The following PCDH15 variants were observed in gnomAD, a reference collection of about 807,000 sequenced individuals.
The protein encoded by PCDH15 is protocadherin related 15.
In PCDH15, 129 loss-of-function variants were observed where a neutral mutation model predicts 178.5. The observed-to-expected ratio is 0.72, with a 90% CI of 0.63 to 0.84. The LOEUF is 0.84. Ranked by LOEUF, PCDH15 falls within the 40% of genes least tolerant of loss-of-function variation. PCDH15 has a pLI of 0.00. For missense variants in PCDH15, 2,230 were observed against 2,099.9 expected (o/e 1.06, Z -1.21); for synonymous variants, 800 against 732.0 (o/e 1.09, Z -1.50).
chr10:53,878,215 AATATATATATATATATAT>A (rs140273411), intron 26 of PCDH15, among the ~76,000 whole-genome samples: 1 of 127,454 alleles, frequency 7.8e-6, no homozygotes, highest in Non-Finnish European at 1.6e-5. Flanking sequence ...ACACACTTTG[AATATATATATATATATAT>A]ATATATATAT....
At chr10:54,470,938 A>G (rs2077876816) in intron 3 of PCDH15, among the ~76,000 whole-genome samples, 1 of 152,082 alleles carries the variant, frequency 6.6e-6, no homozygotes, top group African/African-American at 2.4e-5. Context: ...TTCACTGATC[A>G]GGTACAAAGA....
chr10:54,347,443 A>C (rs575248762), intron 5 of PCDH15, among the ~76,000 whole-genome samples: 106 of 152,214 alleles, frequency 7.0e-4, no homozygotes, highest in African/African-American at 2.5e-3. Context: ...AATGCACTTC[A>C]TCAATAAACA....
At chr10:55,028,468 A>G (rs1840529825) in intron 2 of PCDH15, among the ~76,000 whole-genome samples, 1 of 152,012 alleles carries the variant, frequency 6.6e-6, no homozygotes, top group Non-Finnish European at 1.5e-5. Flanking sequence ...GAAAGCATTT[A>G]TCTTTATAAC....
chr10:54,360,320 G>A (rs1022331232), intron 5 of PCDH15, among the ~76,000 whole-genome samples: 6 of 151,894 alleles, frequency 4.0e-5, no homozygotes, highest in Admixed American at 6.6e-5. Flanking sequence ...TATATAAACC[G>A]GCAATTTTAG....
chr10:54,236,876 C>T lies in PCDH15; in HGVS notation c.932G>A (p.Arg311Gln), dbSNP rs61731390. 1.6e-5 allele frequency: 26 copies of T among 1,613,430 alleles called. No homozygotes were observed. The East Asian group carries it at 2.7e-4, about 17-fold the overall frequency. ...CCTATCTGATGGCGGTTGAATATTC[C>T]GGTCCTGATCAATGGCTTGGATTGG... is the stretch of plus-strand genomic sequence containing the variant. ...TPPIQAIDQDRNIQPPSDRPG... is the reference protein window; with the variant it reads ...TPPIQAIDQDQNIQPPSDRPG... Residue 311 changes from arginine to glutamine, a missense_variant, in exon 9 of 38, where the codon CGG (arginine) becomes CAG (glutamine). By Grantham distance (43) the Arg-to-Gln change is conservative. Transcript: ENST00000644397.
chr10:55,306,497 A>C (rs1843430516), intron 1 of PCDH15, among the ~76,000 whole-genome samples: 1 of 152,188 alleles, frequency 6.6e-6, no homozygotes, highest in Admixed American at 6.5e-5. Flanking sequence ...TTAAAAAAAT[A>C]TATTCTGAAA....
intron 15 of PCDH15, among the ~76,000 whole-genome samples, chr10:54,131,920 T>C (rs1268295242): frequency 2.0e-5 from 3 of 152,172 alleles, no homozygotes; most frequent in Non-Finnish European, 4.4e-5. Flanking sequence ...GACAGGGTGT[T>C]AATATTCGAA....
chr10:55,024,601 C>T (rs1840429766), intron 2 of PCDH15, among the ~76,000 whole-genome samples: 1 of 151,970 alleles, frequency 6.6e-6, no homozygotes, highest in African/African-American at 2.4e-5. Context: ...TAGAACTGAA[C>T]TCATCTTCCT....
chr10:54,263,663 C>T (rs1467020319), intron 8 of PCDH15, among the ~76,000 whole-genome samples: 3 of 152,176 alleles, frequency 2.0e-5, no homozygotes, highest in Admixed American at 6.5e-5. Flanking sequence ...AACTTCACCC[C>T]TGCAACTACC....
intron 9 of PCDH15, among the ~76,000 whole-genome samples, chr10:54,225,355 A>G (rs2053316901): frequency 6.6e-6 from 1 of 152,240 alleles, no homozygotes; most frequent in South Asian, 2.1e-4. Context: ...TATTACTAAT[A>G]GAACCAACAT....
intron 1 of PCDH15, among the ~76,000 whole-genome samples, chr10:54,690,647 T>C (rs143109538): frequency 2.8e-3 from 432 of 152,244 alleles, no homozygotes; most frequent in South Asian, 0.018. Context: ...TTTTAGAGTA[T>C]ACTTCTCCTA....
intron 8 of PCDH15, among the ~76,000 whole-genome samples, chr10:54,257,103 A>G (rs2056961439): frequency 6.6e-6 from 1 of 152,106 alleles, no homozygotes; most frequent in Non-Finnish European, 1.5e-5. Context: ...TGAGATAGAG[A>G]TATAGTGTGT....
At chr10:55,097,202 G>A (rs1445574199) in intron 2 of PCDH15, among the ~76,000 whole-genome samples, 1 of 152,076 alleles carries the variant, frequency 6.6e-6, no homozygotes, top group Non-Finnish European at 1.5e-5. Context: ...TAAACTAATA[G>A]ATTTAATTAT....
chr10:54,011,593 G>T (rs1432475898), intron 20 of PCDH15, among the ~76,000 whole-genome samples: 3 of 152,182 alleles, frequency 2.0e-5, no homozygotes, highest in Non-Finnish European at 2.9e-5. Context: ...CAATCCTTAG[G>T]AAATAGAGGA....
In PCDH15 at chr10:54,317,325, A is replaced by C. The variant is rs2133649478; in HGVS notation, c.822T>G (p.Thr274=). ...GATAAGTGAGTGGACGGCAATCACGAGTGTTTGGCACAAGGACACAAGGAA... is the reference window on the plus strand; with the variant it reads ...GATAAGTGAGTGGACGGCAATCACGCGTGTTTGGCACAAGGACACAAGGAA... ...MFLPCVLVPN[T]RDCRPLTYQA... The change falls in exon 8 of 38, where the codon ACT becomes ACG. Residue 274 remains threonine (T), a synonymous_variant. Transcript: ENST00000644397. 2 of 1,613,980 alleles carry C rather than the reference A, an allele frequency of 1.2e-6. No individual in the cohort carries two copies. The highest frequency in any genetic ancestry group is 1.7e-6 in the Non-Finnish European group (2 of 1,179,918).
Position 54,239,432 on chromosome 10 carries a change from T to TAGAGAGAGAGAG in PCDH15, c.877-2502_877-2501insCTCTCTCTCTCT, listed in dbSNP as rs370848123. Among the ~76,000 whole-genome samples the TAGAGAGAGAGAG allele has an allele frequency of 3.3e-3, 492 of 150,634 alleles. 1 individual carries two copies. Among genetic ancestry groups the TAGAGAGAGAGAG allele is most frequent in the African/African-American group, 0.01 (430 of 41,048 alleles). On this transcript the variant is annotated intron_variant, in intron 8 of 37. Transcript: ENST00000644397. The stretch of plus-strand genomic sequence containing the variant: ...GTGATTAAATATATATATATATATA[T>TAGAGAGAGAGAG]AGAGTAAGAACTGAAGAACTAAAAA...
At chr10:54,919,072 T>TA (rs927290763) in intron 2 of PCDH15, among the ~76,000 whole-genome samples, 7 of 152,226 alleles carry the variant, frequency 4.6e-5, no homozygotes, top group East Asian at 1.9e-4. Flanking sequence ...CATCGTAAAG[T>TA]AAAAAAATTG....
At chr10:54,923,048 C>T (rs1415322816) in intron 2 of PCDH15, among the ~76,000 whole-genome samples, 1 of 88,110 alleles carries the variant, frequency 1.1e-5, no homozygotes, top group African/African-American at 3.1e-5. Context: ...TCCATACATC[C>T]TCTGAAATCT....
At chr10:55,275,279 C>T (rs1842559850) in intron 1 of PCDH15, among the ~76,000 whole-genome samples, 1 of 151,870 alleles carries the variant, frequency 6.6e-6, no homozygotes. Context: ...TTTATAACTT[C>T]TATTTCTACT....
Sources: gnomAD v4.1 joint callset for allele counts (sites outside exome capture counted in the v4.1 genomes callset) on GRCh38, gnomAD v4.1.1 for gene constraint, MANE v1.5 for transcripts, NCBI Gene and HGNC (gene_info 2026-07-23, HGNC 2026-07-21) for gene names.